The following SLC4A8 variants were observed in gnomAD, a reference collection of about 807,000 sequenced individuals.
SLC4A8 encodes the protein solute carrier family 4 member 8, also known as electroneutral sodium bicarbonate exchanger 1.
SLC4A8 carries 40 observed loss-of-function variants against 125.0 expected under a neutral mutation model. The ratio of observed to expected loss-of-function variants is 0.32; its 90% CI spans 0.25 to 0.42. The LOEUF is 0.42. Among genes scored for constraint, SLC4A8 ranks in the 10% least tolerant of loss-of-function variants. The probability of loss-of-function intolerance (pLI) is 1.00; values close to 1 mark genes in which losing one functional copy is unlikely to be tolerated. For synonymous variants in SLC4A8, 456 were observed against 476.0 expected (o/e 0.96, Z 0.55); for missense variants, 863 against 1,355.1 (o/e 0.64, Z 5.70).
intron 20 of SLC4A8, among the ~76,000 whole-genome samples, 173 bp downstream of exon 20, chr12:51,493,945 T>G (rs185225362): frequency 5.9e-5 from 9 of 152,222 alleles, no homozygotes; most frequent in Non-Finnish European, 1.2e-4. Flanking sequence ...AAAACAGCCA[T>G]GTTGGCAGGA....
In SLC4A8 at chr12:51,469,663, T is replaced by A. The variant is rs758178718; in HGVS notation, c.1399T>A (p.Trp467Arg). 2.5e-6 allele frequency: 4 copies of A among 1,613,796 alleles called. No individual in the cohort carries two copies. In the Admixed American group the frequency reaches 5.0e-5, roughly 20 times the overall value. ...LDIKRKAPWY[W>R]SDYRDALSLQ... ...CATCAAGCGGAAGGCCCCCTGGTAC[T>A]GGAGCGACTACCGAGATGCACTCAG... Residue 467 changes from tryptophan (W) to arginine (R), a missense_variant, in exon 12 of 25, where the codon TGG becomes AGG. This residue lies in a region of SLC4A8 where 390 missense variants were observed against 634.4 expected (regional missense o/e 0.61). Coordinates refer to ENST00000453097, the MANE Select transcript of SLC4A8 (RefSeq NM_001039960.3).
At chr12:51,427,915 C>G in intron 1 of SLC4A8, among the ~76,000 whole-genome samples, 1 of 152,134 alleles carries the variant, frequency 6.6e-6, no homozygotes, top group East Asian at 1.9e-4. Flanking sequence ...ATCTTGAAAC[C>G]CTTCAGTGGC....
chr12:51,473,589 A>AT (rs112986379), intron 14 of SLC4A8, among the ~76,000 whole-genome samples: 1 of 152,230 alleles, frequency 6.6e-6, no homozygotes, highest in African/African-American at 2.4e-5. Context: ...TGCTTATTAA[A>AT]TTCACAGACC....
At chr12:51,402,073 G>C (rs10876172) in intron 1 of SLC4A8, among the ~76,000 whole-genome samples, 1 of 152,298 alleles carries the variant, frequency 6.6e-6, no homozygotes, top group East Asian at 1.9e-4. Context: ...TGGCCCCTTC[G>C]TATCTTAACC....
chr12:51,460,286 C>T (rs1427698007), intron 8 of SLC4A8, among the ~76,000 whole-genome samples, 178 bp downstream of exon 8: 1 of 151,992 alleles, frequency 6.6e-6, no homozygotes, highest in African/African-American at 2.4e-5. Flanking sequence ...ACTAGAGAGG[C>T]TGAGGTGGGG....
intron 1 of SLC4A8, among the ~76,000 whole-genome samples, chr12:51,434,674 C>T (rs1204655092): frequency 6.6e-6 from 1 of 152,068 alleles, no homozygotes; most frequent in African/African-American, 2.4e-5. Flanking sequence ...TTAAAGAAAT[C>T]AATCATCTCT....
rs1241300477 is a variant in SLC4A8 at position 51,400,953 on chromosome 12, C to A, written c.-112+9465C>A. On this transcript the variant is annotated intron_variant, in intron 1 of 24. Transcript: ENST00000358657. ...GTGCAGTGGCACCGTCACGGTGAAA[C>A]GGGAAAGGTTCCCTTGTCCCCCTCA... Among the ~76,000 whole-genome samples the A allele has an allele frequency of 3.3e-5, 5 of 150,656 alleles. No homozygotes were observed. In the East Asian group the frequency reaches 7.9e-4, roughly 24 times the overall value.
rs1951151437 is a variant in SLC4A8 at position 51,485,881 on chromosome 12, A to G, written c.2267A>G (p.Gln756Arg). ...FLIGVPSPKL[Q>R]VPSVFKPTRD... is the part of the protein sequence containing the mutation. ...ATTGGAGTCCCATCACCAAAGCTTC[A>G]AGTTCCCAGTGTGTTCAAGGTAAAC... The change falls in exon 17 of 25, where the codon CAA (glutamine) becomes CGA (arginine). Residue 756 changes from glutamine to arginine, a missense_variant. Gln to Arg is a conservative substitution (Grantham distance 43). This residue lies in a region of SLC4A8 where 197 missense variants were observed against 377.7 expected (regional missense o/e 0.52). Transcript: ENST00000453097. 6.2e-7 allele frequency: 1 copy of G among 1,602,864 alleles called. No individual in the cohort carries two copies. Among genetic ancestry groups the G allele is most frequent in the East Asian group, 2.2e-5 (1 of 44,824 alleles).
intron 1 of SLC4A8, among the ~76,000 whole-genome samples, chr12:51,405,323 C>T (rs1409537753): frequency 6.6e-6 from 1 of 152,174 alleles, no homozygotes; most frequent in East Asian, 1.9e-4. Flanking sequence ...TAGTGTCTGG[C>T]CTATTCCAAG....
intron 9 of SLC4A8, 119 bp from the exon 10 acceptor site, chr12:51,462,191 C>A: frequency 1.1e-6 from 1 of 936,306 alleles, no homozygotes; most frequent in Non-Finnish European, 1.7e-6. Context: ...TTCTGCATCT[C>A]AGATCCCCGT....
intron 1 of SLC4A8, among the ~76,000 whole-genome samples, chr12:51,417,043 T>A (rs1022816876): frequency 6.6e-6 from 1 of 151,908 alleles, no homozygotes; most frequent in Admixed American, 6.6e-5. Flanking sequence ...ATCACTTGCA[T>A]CCAGGAGTTT....
In SLC4A8 at chr12:51,450,859, C is replaced by T. The variant is rs1349667795; in HGVS notation, c.131-17C>T. On this transcript the variant is annotated splice_polypyrimidine_tract_variant and intron_variant, in intron 2 of 24. Coordinates refer to ENST00000453097, the MANE Select transcript of SLC4A8 (RefSeq NM_001039960.3). Reference sequence around the variant, plus strand: ...AACTAAAGGAGTTCTCTCCACAGACCTTCTGCTTCTTTCCAGGTCACAGAA... The same window carrying T: ...AACTAAAGGAGTTCTCTCCACAGACTTTCTGCTTCTTTCCAGGTCACAGAA... 1 of 1,613,078 alleles carries T rather than the reference C, an allele frequency of 6.2e-7. No homozygotes were observed. Among genetic ancestry groups the T allele is most frequent in the Non-Finnish European group, 8.5e-7 (1 of 1,179,436 alleles).
At chr12:51,504,189 G>C (rs971429621) in intron 23 of SLC4A8, 69 bp downstream of exon 23, 1 of 940,188 alleles carries the variant, frequency 1.1e-6, no homozygotes, top group Admixed American at 2.1e-5. Context: ...TTGTGGTGGT[G>C]GTGGTGTCAC....
chr12:51,465,244 G>A (rs1395081742), intron 11 of SLC4A8, among the ~76,000 whole-genome samples: 1 of 151,872 alleles, frequency 6.6e-6, no homozygotes, highest in East Asian at 1.9e-4. Flanking sequence ...TGGATATAAA[G>A]GGTGTCCACA....
At chr12:51,432,194 GTCAGGAGA>G (rs1949210802) in intron 1 of SLC4A8, among the ~76,000 whole-genome samples, 1 of 152,000 alleles carries the variant, frequency 6.6e-6, no homozygotes, top group East Asian at 1.9e-4. Context: ...GGATCACAAG[GTCAGGAGA>G]TCGAGACCAT....
Position 51,450,759 on chromosome 12 carries a change from C to T in SLC4A8, c.131-117C>T. 6 of 1,114,578 alleles carry T rather than the reference C, an allele frequency of 5.4e-6. No individual in the cohort carries two copies. The South Asian group carries it at 7.0e-5, about 13-fold the overall frequency. 69.0% of individuals were successfully genotyped at this position (1,114,578 alleles called of 1,614,324 possible). On this transcript the variant is annotated intron_variant, in intron 2 of 24. Coordinates refer to ENST00000453097, the MANE Select transcript of SLC4A8 (RefSeq NM_001039960.3). ...TCTTTGAAGTTTTGTTGTTCCAGAG[C>T]TGTGACCAGACCAAAGAACTGTGAT...
At chr12:51,466,460 C>CA (rs1273813654) in intron 11 of SLC4A8, 1 of 152,138 alleles carries the variant, frequency 6.6e-6, no homozygotes, top group Non-Finnish European at 1.5e-5. Context: ...TAAAGCCCTC[C>CA]AGGGAAGGGC....
At chr12:51,456,434 T>G (rs902838663) in intron 5 of SLC4A8, among the ~76,000 whole-genome samples, 4 of 152,190 alleles carry the variant, frequency 2.6e-5, no homozygotes, top group African/African-American at 9.7e-5. Context: ...TTTGAAGAAG[T>G]GCATAGGACT....
At chr12:51,449,617 G>A in intron 2 of SLC4A8, among the ~76,000 whole-genome samples, 1 of 152,156 alleles carries the variant, frequency 6.6e-6, no homozygotes, top group East Asian at 1.9e-4. Context: ...GAAGACCAAG[G>A]CATGGTGCAT....
Sources: gnomAD v4.1 joint callset for allele counts (sites outside exome capture counted in the v4.1 genomes callset) on GRCh38, gnomAD v4.1.1 for gene constraint, gnomAD v4.1.1 regional missense constraint, MANE v1.5 for transcripts, NCBI Gene and HGNC (gene_info 2026-07-23, HGNC 2026-07-21) for gene names.